FAT3: variants seen among roughly 807,000 people sequenced by gnomAD.
The protein encoded by FAT3 is protocadherin Fat 3.
A neutral mutation model predicts 310.2 loss-of-function variants in FAT3; 95 were observed. The ratio of observed to expected loss-of-function variants is 0.31; its 90% CI spans 0.26 to 0.36. The LOEUF (loss-of-function observed/expected upper bound fraction) is 0.36, where lower values mean the gene tolerates loss of function less well. FAT3 is among the 10% of genes least tolerant of loss of function. The probability of loss-of-function intolerance (pLI) is 1.00; values close to 1 mark genes in which losing one functional copy is unlikely to be tolerated. For synonymous variants in FAT3, 2,314 were observed against 2,192.9 expected, an observed-to-expected ratio of 1.06 and a Z score of -1.54; for missense variants, 5,408 against 5,715.6, an observed-to-expected ratio of 0.95 and a Z score of 1.74.
chr11:92,669,372 A>G (rs1388943352), intron 3 of FAT3, among the ~76,000 whole-genome samples: 1 of 152,196 alleles, frequency 6.6e-6, no homozygotes, highest in Non-Finnish European at 1.5e-5. Flanking sequence ...ATTGAATGAA[A>G]TAACTGGTGC....
At chr11:92,399,244 C>T (rs1949955027) in intron 2 of FAT3, among the ~76,000 whole-genome samples, 1 of 152,134 alleles carries the variant, frequency 6.6e-6, no homozygotes, top group African/African-American at 2.4e-5. Context: ...TGATATCAGA[C>T]ATCATGTTTC....
rs1483143981 is a variant in FAT3, at chr11:92,376,968, G to A, written c.3292+21564G>A. ...ATTTTTATTGGAAGGTAATGATTAT[G>A]TCCAGGCCATAAATACAGTGTAAAT... On this transcript the variant is annotated intron_variant, in intron 2 of 27. Coordinates refer to ENST00000525166, the MANE Select transcript of FAT3 (RefSeq NM_001367949.2). Among the ~76,000 whole-genome samples, 4 of 152,244 alleles carry A rather than the reference G, an allele frequency of 2.6e-5. No homozygotes were observed. In the East Asian group the frequency reaches 7.7e-4, roughly 29 times the overall value.
At chr11:92,698,278 C>T (rs545320902) in intron 4 of FAT3, among the ~76,000 whole-genome samples, 9 of 152,262 alleles carry the variant, frequency 5.9e-5, no homozygotes, top group Non-Finnish European at 7.4e-5. Flanking sequence ...CACACACACA[C>T]GTGCACATGC....
intron 7 of FAT3, among the ~76,000 whole-genome samples, chr11:92,787,020 T>C (rs1004100726): frequency 5.3e-5 from 8 of 152,116 alleles, no homozygotes; most frequent in African/African-American, 1.2e-4. Flanking sequence ...TCCTGTGCAT[T>C]GTAGGATGTT....
intron 1 of FAT3, among the ~76,000 whole-genome samples, chr11:92,333,569 G>A (rs1244729179): frequency 6.6e-6 from 1 of 152,038 alleles, no homozygotes; most frequent in African/African-American, 2.4e-5. Flanking sequence ...CTTATTTGGT[G>A]GAGAATTTGA....
intron 2 of FAT3, among the ~76,000 whole-genome samples, chr11:92,370,413 G>A (rs1949151178): frequency 1.3e-5 from 2 of 152,200 alleles, no homozygotes; most frequent in Admixed American, 1.3e-4. Context: ...AAGATGGAAA[G>A]TAAGGTTAGT....
chr11:92,330,997 TGTGTGTGAGAGAGAGAGAGA>T (rs1273541134), intron 1 of FAT3, among the ~76,000 whole-genome samples: 3 of 124,212 alleles, frequency 2.4e-5, no homozygotes, highest in African/African-American at 4.4e-5. Flanking sequence ...TGTGTGTGTG[TGTGTGTGAGAGAGAGAGAGA>T]GAGAAACATT....
intron 1 of FAT3, among the ~76,000 whole-genome samples, chr11:92,236,739 T>G (rs1438637516): frequency 6.6e-6 from 1 of 152,210 alleles, no homozygotes. Context: ...TTTCTTGTAC[T>G]TAAAATTTGC....
intron 10 of FAT3, among the ~76,000 whole-genome samples, chr11:92,804,462 C>T (rs1243321355): frequency 1.3e-5 from 2 of 152,132 alleles, no homozygotes; most frequent in African/African-American, 4.8e-5. Flanking sequence ...TTGCTGGGAC[C>T]ACTGTCCATG....
At chr11:92,820,256 G>C (rs966631421) in intron 13 of FAT3, among the ~76,000 whole-genome samples, 2 of 152,096 alleles carry the variant, frequency 1.3e-5, no homozygotes, top group African/African-American at 4.8e-5. Context: ...CTCTCTCCTT[G>C]GTTTGTAGAC....
intron 2 of FAT3, among the ~76,000 whole-genome samples, chr11:92,406,075 C>T (rs1398895781): frequency 1.3e-5 from 2 of 152,062 alleles, no homozygotes; most frequent in African/African-American, 4.8e-5. Context: ...TTCCTTGGTT[C>T]ATAAGTACGT....
chr11:92,286,768 T>C (rs1360087157), intron 1 of FAT3, among the ~76,000 whole-genome samples: 1 of 152,198 alleles, frequency 6.6e-6, no homozygotes, highest in Non-Finnish European at 1.5e-5. Context: ...GTGGCATCTG[T>C]TAGAGAAAAG....
chr11:92,555,824 C>T (rs1170585962), intron 3 of FAT3, among the ~76,000 whole-genome samples: 1 of 152,188 alleles, frequency 6.6e-6, no homozygotes, highest in Non-Finnish European at 1.5e-5. Flanking sequence ...CATAAAATTA[C>T]CACACTCACC....
chr11:92,409,836 G>T (rs1950214313), intron 2 of FAT3, among the ~76,000 whole-genome samples: 2 of 151,818 alleles, frequency 1.3e-5, no homozygotes, highest in Admixed American at 1.3e-4. Context: ...TTTGTGTTTT[G>T]CCAGCCTCAG....
At chr11:92,566,245 GACAA>G (rs1955437677) in intron 3 of FAT3, among the ~76,000 whole-genome samples, 1 of 152,080 alleles carries the variant, frequency 6.6e-6, no homozygotes, top group Admixed American at 6.6e-5. Flanking sequence ...ACCAATAACA[GACAA>G]ACAGAGAGCT....
chr11:92,698,873 C>T (rs938089509), intron 4 of FAT3, among the ~76,000 whole-genome samples: 1 of 152,152 alleles, frequency 6.6e-6, no homozygotes, highest in African/African-American at 2.4e-5. Context: ...GAACCCATTA[C>T]TTCCCAGAAG....
At chr11:92,317,312 A>C (rs535231142) in intron 1 of FAT3, among the ~76,000 whole-genome samples, 1 of 152,130 alleles carries the variant, frequency 6.6e-6, no homozygotes, top group Non-Finnish European at 1.5e-5. Flanking sequence ...AAGTTCTTTC[A>C]GTTTTACTTA....
chr11:92,784,536 G>T (rs575562378), intron 7 of FAT3, among the ~76,000 whole-genome samples: 1 of 152,172 alleles, frequency 6.6e-6, no homozygotes, highest in Non-Finnish European at 1.5e-5. Flanking sequence ...TGCAAAACCC[G>T]AAGTGTTTGT....
intron 5 of FAT3, among the ~76,000 whole-genome samples, chr11:92,763,518 C>A (rs1473629083): frequency 1.3e-5 from 2 of 152,084 alleles, no homozygotes; most frequent in Non-Finnish European, 2.9e-5. Context: ...GTCAATGGCT[C>A]ACAGCTGCCC....
Sources: allele counts gnomAD v4.1 joint callset (sites outside exome capture counted in the v4.1 genomes callset), GRCh38; gene constraint gnomAD v4.1.1; transcripts MANE v1.5; gene names NCBI Gene and HGNC (gene_info 2026-07-23, HGNC 2026-07-21).